FRYL: variants seen among roughly 807,000 people sequenced by gnomAD.
The protein encoded by FRYL is protein furry homolog-like.
Under a neutral mutation model 351.2 loss-of-function variants are expected in FRYL, and 150 were observed. The observed-to-expected ratio is 0.43, with a 90% CI of 0.37 to 0.49. The LOEUF (loss-of-function observed/expected upper bound fraction) is 0.49, where lower values mean the gene tolerates loss of function less well. Ranked by LOEUF, FRYL falls within the 20% of genes least tolerant of loss-of-function variation. FRYL has a pLI of 0.00. For synonymous variants in FRYL, 1,153 were observed against 1,257.1 expected, an observed-to-expected ratio of 0.92 and a Z score of 1.75; for missense variants, 3,036 against 3,619.3, an observed-to-expected ratio of 0.84 and a Z score of 4.13.
At chr4:48,651,301 G>C (rs1407452938) in intron 3 of FRYL, among the ~76,000 whole-genome samples, 2 of 120,188 alleles carry the variant, frequency 1.7e-5, no homozygotes, top group Admixed American at 8.1e-5. Flanking sequence ...GTGTGTGTGT[G>C]TGTGTGTGTG....
At chr4:48,548,422 C>T (rs755871944) in intron 40 of FRYL, among the ~76,000 whole-genome samples, 4 of 151,982 alleles carry the variant, frequency 2.6e-5, no homozygotes. Context: ...AGAATTTTTC[C>T]TTGGTATAGT....
Position 48,518,900 on chromosome 4 carries a change from A to T in FRYL, c.7689+2148T>A, listed in dbSNP as rs114161819. On this transcript the variant is annotated intron_variant, in intron 55 of 63. Coordinates refer to ENST00000358350, the MANE Select transcript of FRYL (RefSeq NM_015030.2). Reference sequence around the variant, plus strand: ...ATTATCTGTCTCTCCTACTAGAATGAAGCTCCATAAAACCAAAAGCCTTTG... The same window carrying T: ...ATTATCTGTCTCTCCTACTAGAATGTAGCTCCATAAAACCAAAAGCCTTTG... Among the ~76,000 whole-genome samples the T allele has an allele frequency of 5.0e-3, 763 of 152,360 alleles. 5 individuals are homozygous for T. The highest frequency in any genetic ancestry group is 0.027 in the Middle Eastern group (8 of 294).
chr4:48,658,406 G>T (rs1759697162), intron 3 of FRYL, among the ~76,000 whole-genome samples: 1 of 151,894 alleles, frequency 6.6e-6, no homozygotes, highest in Non-Finnish European at 1.5e-5. Flanking sequence ...CAGCTTTTCA[G>T]AGTCTTCTCT....
At chr4:48,536,058 G>A (rs1270822760) in intron 47 of FRYL, among the ~76,000 whole-genome samples, 2 of 152,204 alleles carry the variant, frequency 1.3e-5, no homozygotes, top group African/African-American at 2.4e-5. Context: ...GTACTAAATA[G>A]TACGGCCTTC....
Position 48,561,570 on chromosome 4 carries a change from T to A in FRYL, c.3763A>T (p.Ser1255Cys). 1 of 1,612,496 alleles carries A rather than the reference T, an allele frequency of 6.2e-7. No individual in the cohort carries two copies. The highest frequency in any genetic ancestry group is 8.5e-7 in the Non-Finnish European group (1 of 1,178,714). ...AGATGTGGTAGAGGAGACAGCTGGC[T>A]GAGTACTCCATCTGTTCTCTGAACC... Reference protein sequence around the residue: ...LEVQRTDGVLSQLSPLPHLYS... With the variant: ...LEVQRTDGVLCQLSPLPHLYS... Residue 1255 changes from serine to cysteine, a missense_variant, in exon 33 of 64, where the codon AGC becomes TGC. Ser to Cys is a moderately radical substitution (Grantham distance 112, BLOSUM62 -1). Transcript: ENST00000358350.
intron 16 of FRYL, among the ~76,000 whole-genome samples, chr4:48,591,774 C>T (rs183531033): frequency 6.6e-6 from 1 of 152,192 alleles, no homozygotes; most frequent in Non-Finnish European, 1.5e-5. Flanking sequence ...TACCAGATCA[C>T]CCACAAATTT....
rs759738242 is a variant in FRYL at position 48,546,200 on chromosome 4, T to G, written c.5146A>C (p.Thr1716Pro). ...TTTCCTAAGCTGATACTAGAAGAGGTAGAACTTGAGCTAAGCCCTGAGTCA... is the reference window on the plus strand; with the variant it reads ...TTTCCTAAGCTGATACTAGAAGAGGGAGAACTTGAGCTAAGCCCTGAGTCA... ...MTDSGLSSSSTSSSISLGNNS... is the reference protein window; with the variant it reads ...MTDSGLSSSSPSSSISLGNNS... Residue 1716 changes from threonine to proline, a missense_variant, in exon 42 of 64, where the codon ACC becomes CCC. This residue lies in a region of FRYL where 1,987 missense variants were observed against 2,311.7 expected (regional missense o/e 0.86). Transcript: ENST00000358350. 2 of 1,613,620 alleles carry G rather than the reference T, an allele frequency of 1.2e-6. No homozygotes were observed. The highest frequency in any genetic ancestry group is 1.7e-6 in the Non-Finnish European group (2 of 1,179,796).
chr4:48,736,915 A>G (rs992038849), intron 1 of FRYL, among the ~76,000 whole-genome samples: 1 of 151,634 alleles, frequency 6.6e-6, no homozygotes, highest in Non-Finnish European at 1.5e-5. Context: ...CAATGTGATC[A>G]ATAAAACTGA....
At chr4:48,584,596 C>T (rs971518811) in intron 19 of FRYL, among the ~76,000 whole-genome samples, 4 of 152,178 alleles carry the variant, frequency 2.6e-5, no homozygotes, top group African/African-American at 9.7e-5. Flanking sequence ...ATGATGTTGA[C>T]TTTAAAGGTT....
chr4:48,715,142 T>A (rs1768618858), intron 1 of FRYL, among the ~76,000 whole-genome samples: 1 of 151,996 alleles, frequency 6.6e-6, no homozygotes, highest in African/African-American at 2.4e-5. Context: ...AAGAGCTATC[T>A]ATGACAAACC....
At chr4:48,632,114 ATAT>A (rs1382611281) in intron 4 of FRYL, among the ~76,000 whole-genome samples, 602 of 38,254 alleles carry the variant, frequency 0.016, 15 homozygotes, top group Non-Finnish European at 0.036. Context: ...ATATATATAT[ATAT>A]ATATATATAT....
rs762769197 is a variant in FRYL, at chr4:48,510,966, C to G, written c.8164G>C (p.Gly2722Arg). The change falls in exon 58 of 64, where the codon GGA (glycine) becomes CGA (arginine). Residue 2722 changes from glycine to arginine, a missense_variant. Physicochemically the swap from Gly to Arg is moderately radical, Grantham distance 125. Transcript: ENST00000358350. ...RLFQTIQRKF[G>R]EITNEAVSFL... is the part of the protein sequence containing the mutation. ...CTGACTGCCTCATTAGTTATTTCTC[C>G]AAACTTTCTTTGAATTGTCTATGGA... The G allele has an allele frequency of 2.5e-6, 4 of 1,611,528 alleles. No homozygotes were observed. The South Asian group carries it at 4.4e-5, about 18-fold the overall frequency.
rs749343383 is a variant in FRYL at position 48,564,063 on chromosome 4, C to T, written c.3481G>A (p.Glu1161Lys). The T allele has an allele frequency of 6.2e-7, 1 of 1,614,018 alleles. No homozygotes were observed. The highest frequency in any genetic ancestry group is 1.3e-5 in the African/African-American group (1 of 74,914). Residue 1161 changes from glutamate (E) to lysine (K), a missense_variant, in exon 31 of 64, where the codon GAG becomes AAG. Physicochemically the swap from Glu to Lys is moderately conservative, Grantham distance 56. Around this residue, in one of 7 missense-constraint regions of FRYL, gnomAD observed 1,987 missense variants for 2,311.7 expected, o/e 0.86. Transcript: ENST00000358350. ...LGCEAVTLLL[E>K]LNPDQSNLMY... The stretch of plus-strand genomic sequence containing the variant: ...AGGTTGCTCTGATCAGGGTTCAGCT[C>T]CAGTAACAACGTAACTGCTTCACAG...
chr4:48,576,019 G>C lies in FRYL; in HGVS notation c.2721+11C>G, dbSNP rs762425825. 2 of 1,558,702 alleles carry C rather than the reference G, an allele frequency of 1.3e-6. No individual in the cohort carries two copies. Among genetic ancestry groups the C allele is most frequent in the Admixed American group, 4.0e-5 (2 of 49,780 alleles). On this transcript the variant is annotated intron_variant, in intron 24 of 63. Coordinates refer to ENST00000358350, the MANE Select transcript of FRYL (RefSeq NM_015030.2). ...ATTTCATATATCCAACAGTGGATCT[G>C]AGAAACTTACTTTAGAATCAATGCT...
intron 2 of FRYL, among the ~76,000 whole-genome samples, chr4:48,696,030 G>C (rs1766128656): frequency 6.6e-6 from 1 of 152,114 alleles, no homozygotes; most frequent in African/African-American, 2.4e-5. Flanking sequence ...AGAAACAATA[G>C]ATGCTGGTGA....
chr4:48,499,502 C>G lies in FRYL; in HGVS notation c.8962G>C (p.Glu2988Gln), dbSNP rs756962527. Residue 2988 changes from glutamate (E) to glutamine (Q), a missense_variant, in exon 64 of 64, where the codon GAG becomes CAG. Coordinates refer to ENST00000358350, the MANE Select transcript of FRYL (RefSeq NM_015030.2). ...TATGATTGCACCATGCGTAGAGACTCTCTTATTTCCAGATTAAGTTCCATC... is the reference window on the plus strand; with the variant it reads ...TATGATTGCACCATGCGTAGAGACTGTCTTATTTCCAGATTAAGTTCCATC... ...KLMELNLEIRESLRMVQSYQL... is the reference protein window; with the variant it reads ...KLMELNLEIRQSLRMVQSYQL... 9.9e-6 allele frequency: 16 copies of G among 1,614,016 alleles called. No homozygotes were observed. The highest frequency in any genetic ancestry group is 1.4e-5 in the Non-Finnish European group (16 of 1,179,900).
intron 2 of FRYL, among the ~76,000 whole-genome samples, chr4:48,699,089 A>G (rs1479761513): frequency 1.3e-5 from 2 of 152,242 alleles, no homozygotes; most frequent in Non-Finnish European, 2.9e-5. Context: ...GGAAACTGAC[A>G]AAGCTAATAA....
intron 23 of FRYL, among the ~76,000 whole-genome samples, chr4:48,576,647 C>T (rs1225262285): frequency 6.6e-6 from 1 of 152,080 alleles, no homozygotes; most frequent in African/African-American, 2.4e-5. Flanking sequence ...GTTTTTATTA[C>T]TAGTACTGTT....
chr4:48,653,905 G>T (rs1171783952), intron 3 of FRYL: 5 of 1,249,920 alleles, frequency 4.0e-6, no homozygotes, highest in Non-Finnish European at 5.1e-6. Context: ...CTTCTCACAG[G>T]CAGCAGAGTT....
Sources: gnomAD v4.1 joint callset for allele counts (sites outside exome capture counted in the v4.1 genomes callset) on GRCh38, gnomAD v4.1.1 for gene constraint, gnomAD v4.1.1 regional missense constraint, MANE v1.5 for transcripts, NCBI Gene and HGNC (gene_info 2026-07-23, HGNC 2026-07-21) for gene names.